KMT2D: variants seen among roughly 807,000 people sequenced by gnomAD.
The protein encoded by KMT2D is lysine methyltransferase 2D, also known as histone-lysine N-methyltransferase 2D.
KMT2D carries 55 observed loss-of-function variants against 512.7 expected under a neutral mutation model. The ratio of observed to expected loss-of-function variants is 0.11; its 90% CI spans 0.09 to 0.13. KMT2D has a LOEUF of 0.13. KMT2D is among the 10% of genes least tolerant of loss of function. The pLI, the probability that KMT2D is intolerant of heterozygous loss-of-function variation, is 1.00. For synonymous variants in KMT2D, 2,995 were observed against 2,904.0 expected (o/e 1.03, Z -1.01); for missense variants, 6,061 against 7,127.9 (o/e 0.85, Z 5.39).
intron 19 of KMT2D, 102 bp from the exon 20 acceptor site, chr12:49,045,067 A>G (rs912368290): frequency 4.2e-5 from 49 of 1,156,292 alleles, no homozygotes; most frequent in Non-Finnish European, 5.6e-5. Context: ...AGGCAGTGAC[A>G]AAAGTCCAGC....
rs1943359408 is a variant in KMT2D, at chr12:49,039,010, C to G, written c.8367-21G>C. On this transcript the variant is annotated intron_variant, in intron 34 of 54. Coordinates refer to ENST00000301067, the MANE Select transcript of KMT2D (RefSeq NM_003482.4). This position sits in a 1 kb window ranked among gnomAD's most constrained non-coding sequence, Gnocchi z 5.0. ...GTTGCCTGGAAGAATATACAGTAGT[C>G]AGTAGGATGAAATCAGATGAAAAGG... 1 of 1,551,696 alleles carries G rather than the reference C, an allele frequency of 6.4e-7. No individual in the cohort carries two copies. Among genetic ancestry groups the G allele is most frequent in the East Asian group, 2.4e-5 (1 of 40,938 alleles).
Position 49,054,866 on chromosome 12 carries a change from C to T in KMT2D, c.176+34G>A, listed in dbSNP as rs1412240820. ...AATTCTCTTCCTTGAAAGCCCTAGA[C>T]TCTCAAATCCTCATGTGCCCTCAAA... On this transcript the variant is annotated intron_variant, in intron 3 of 54. Coordinates refer to ENST00000301067, the MANE Select transcript of KMT2D (RefSeq NM_003482.4). This position sits in a 1 kb window ranked among gnomAD's most constrained non-coding sequence, Gnocchi z 6.4. 4 of 1,606,938 alleles carry T rather than the reference C, an allele frequency of 2.5e-6. No homozygotes were observed. The highest frequency in any genetic ancestry group is 3.4e-6 in the Non-Finnish European group (4 of 1,174,592).
chr12:49,037,268 C>T lies in KMT2D; in HGVS notation c.10088G>A (p.Gly3363Glu), dbSNP rs1943266431. 6.2e-7 allele frequency: 1 copy of T among 1,613,694 alleles called. No individual in the cohort carries two copies. Among genetic ancestry groups the T allele is most frequent in the East Asian group, 2.2e-5 (1 of 44,882 alleles). The change falls in exon 35 of 55, where the codon GGG (glycine) becomes GAG (glutamate). Residue 3363 changes from glycine to glutamate, a missense_variant. Transcript: ENST00000301067. ...CTGCTGGGGTACCAAGCCTGCCTGC[C>T]CTCCATGCTGCCCACTTAGCATATG... ...QGHMLSGQHG[G>E]QAGLVPQQSS...
Position 49,040,307 on chromosome 12 carries a change from G to C in KMT2D, c.7463C>G (p.Ser2488Trp), listed in dbSNP as rs779629382. The change falls in exon 32 of 55, where the codon TCG becomes TGG. Residue 2488 changes from serine to tryptophan, a missense_variant. Ser to Trp is a radical substitution (Grantham distance 177). Around this residue, in one of 16 missense-constraint regions of KMT2D, gnomAD observed 710 missense variants for 647.3 expected, o/e 1.10. Transcript: ENST00000301067. ...TGCTGGGAACCCCCCAGCCCCCAGCGAAGTGTGGGCTAGAGACCCAGCCTT... is the reference window on the plus strand; with the variant it reads ...TGCTGGGAACCCCCCAGCCCCCAGCCAAGTGTGGGCTAGAGACCCAGCCTT... ...AFKAGSLAHT[S>W]LGAGGFPAAL... 6.3e-7 allele frequency: 1 copy of C among 1,590,992 alleles called. No homozygotes were observed. The highest frequency in any genetic ancestry group is 8.6e-7 in the Non-Finnish European group (1 of 1,167,906).
rs767314439 is a variant in KMT2D, at chr12:49,034,673, T to G, written c.10356-7A>C. 6.2e-7 allele frequency: 1 copy of G among 1,609,964 alleles called. No homozygotes were observed. The highest frequency in any genetic ancestry group is 1.1e-5 in the South Asian group (1 of 90,914). ...TAGCAGAGACACTTGCTGTCTGGAG[T>G]CCACCAAAGCACAGAAGATAAGTGT... On this transcript the variant is annotated splice_region_variant and splice_polypyrimidine_tract_variant and intron_variant, in intron 36 of 54. Coordinates refer to ENST00000301067, the MANE Select transcript of KMT2D (RefSeq NM_003482.4).
Position 49,041,128 on chromosome 12 carries a change from G to A in KMT2D, c.6642C>T (p.Ala2214=), listed in dbSNP as rs1226158730. 4 of 1,527,522 alleles carry A rather than the reference G, an allele frequency of 2.6e-6. No homozygotes were observed. The highest frequency in any genetic ancestry group is 2.8e-5 in the African/African-American group (2 of 71,776). 94.6% of individuals were successfully genotyped at this position (1,527,522 alleles called of 1,614,324 possible). A position where few individuals can be genotyped will look rare whatever the true frequency, so the allele number is the denominator to read the frequency against. The change falls in exon 32 of 55, where the codon GCC becomes GCT. Residue 2214 remains alanine (A), a synonymous_variant. Coordinates refer to ENST00000301067, the MANE Select transcript of KMT2D (RefSeq NM_003482.4). The surrounding 1 kb of genome is among the most constrained non-coding windows in gnomAD (Gnocchi z 5.4). Reference sequence around the variant, plus strand: ...GCTGGCCAGCCCCAGGACGAGATGAGGCGCCCAGCATCGGGGGCTGCGCAG... The same window carrying A: ...GCTGGCCAGCCCCAGGACGAGATGAAGCGCCCAGCATCGGGGGCTGCGCAG... ...GAPAQPPMLG[A]SSRPGAGQPG...
In KMT2D at chr12:49,032,135, G is replaced by C; in HGVS notation, c.12570C>G (p.Ile4190Met). 2 of 1,613,852 alleles carry C rather than the reference G, an allele frequency of 1.2e-6. No individual in the cohort carries two copies. Among genetic ancestry groups the C allele is most frequent in the Non-Finnish European group, 8.5e-7 (1 of 1,179,810 alleles). ...CTCGAAGCTGACCCACCGTAGGCAT[G>C]ATTCCAACCCCAGGCAGACCCTGCC... Reference protein sequence around the residue: ...QSGQGLPGVGIMPTVGQLRAQ... With the variant: ...QSGQGLPGVGMMPTVGQLRAQ... Residue 4190 changes from isoleucine (I) to methionine (M), a missense_variant, in exon 40 of 55, where the codon ATC becomes ATG. Ile to Met is a conservative substitution (Grantham distance 10, BLOSUM62 1). Coordinates refer to ENST00000301067, the MANE Select transcript of KMT2D (RefSeq NM_003482.4).
Position 49,033,869 on chromosome 12 carries a change from C to CTGTTGTTGCTGCTGCTGCTGCTGT in KMT2D, c.10835_10836insACAGCAGCAGCAGCAGCAACAACA (p.Gln3605_Gln3612dup). Reference sequence around the variant, plus strand: ...GGCTGAGAGCCAGCACAGCTGAGTGCTGTTGCTGTTGTTGCTGCTGCTGCT... The same window carrying CTGTTGTTGCTGCTGCTGCTGCTGT: ...GGCTGAGAGCCAGCACAGCTGAGTGCTGTTGTTGCTGCTGCTGCTGCTGTTGTTGCTGTTGTTGCTGCTGCTGCT... On this transcript the variant is annotated inframe_insertion, in exon 40 of 55. Coordinates refer to ENST00000301067, the MANE Select transcript of KMT2D (RefSeq NM_003482.4). 1 of 1,554,920 alleles carries CTGTTGTTGCTGCTGCTGCTGCTGT rather than the reference C, an allele frequency of 6.4e-7. No individual in the cohort carries two copies. The highest frequency in any genetic ancestry group is 8.7e-7 in the Non-Finnish European group (1 of 1,150,576).
chr12:49,033,757 C>T lies in KMT2D; in HGVS notation c.10948G>A (p.Gly3650Arg), dbSNP rs2120446384. 1 of 1,611,886 alleles carries T rather than the reference C, an allele frequency of 6.2e-7. No homozygotes were observed. The highest frequency in any genetic ancestry group is 8.5e-7 in the Non-Finnish European group (1 of 1,179,128). ...GTCAGGCGAAGACCTCCGGCTTGCCCACCCGGAGGCCCCTGTGGTGGCTGC... is the reference window on the plus strand; with the variant it reads ...GTCAGGCGAAGACCTCCGGCTTGCCTACCCGGAGGCCCCTGTGGTGGCTGC... ...GLQPPQGPPG[G>R]QAGGLRLTPG... The change falls in exon 40 of 55, where the codon GGG becomes AGG. Residue 3650 changes from glycine to arginine, a missense_variant. Physicochemically the swap from Gly to Arg is moderately radical, Grantham distance 125. Coordinates refer to ENST00000301067, the MANE Select transcript of KMT2D (RefSeq NM_003482.4).
At position 49,037,413 on chromosome 12, in the gene KMT2D, G is replaced by T. The variant is rs2120478642; in HGVS notation, c.9943C>A (p.Leu3315Met). The change falls in exon 35 of 55, where the codon CTG becomes ATG. Residue 3315 changes from leucine to methionine, a missense_variant. Physicochemically the swap from Leu to Met is conservative, Grantham distance 15. Transcript: ENST00000301067. ...GGCTGTCGGGCACCTGCAAGACCCA[G>T]GGAAAGCTGCTGTTGGGACCCAGCC... Reference protein sequence around the residue: ...SLAGSQQQLSLGLAGARQPGL... With the variant: ...SLAGSQQQLSMGLAGARQPGL... The T allele has an allele frequency of 6.2e-7, 1 of 1,602,502 alleles. No homozygotes were observed. Among genetic ancestry groups the T allele is most frequent in the South Asian group, 1.1e-5 (1 of 89,102 alleles).
chr12:49,019,287 GA>G lies in KMT2D; in HGVS notation c.*2492del, dbSNP rs1470777665. 1 of 501,432 alleles carries G rather than the reference GA, an allele frequency of 2.0e-6. No individual in the cohort carries two copies. The highest frequency in any genetic ancestry group is 6.1e-5 in the Admixed American group (1 of 16,344). The allele number at this position is 501,432 out of a possible 1,614,324, so 31.1% of individuals were successfully genotyped here. On this transcript the variant is annotated 3_prime_UTR_variant, in exon 55 of 55. Transcript: ENST00000301067. ...TAAAAAGGGGGAGGGTCCTGGAGGT[GA>G]GGGGAGAAGACTGTAAAGGGGAAAA... is the stretch of plus-strand genomic sequence containing the variant.
chr12:49,031,375 C>T lies in KMT2D; in HGVS notation c.13330G>A (p.Gly4444Arg), dbSNP rs768172866. Residue 4444 changes from glycine to arginine, a missense_variant, in exon 40 of 55, where the codon GGA becomes AGA. By Grantham distance (125) the Gly-to-Arg change is moderately radical (BLOSUM62 -2). This residue lies in a region of KMT2D where 1,600 missense variants were observed against 1,754.9 expected (regional missense o/e 0.91). Coordinates refer to ENST00000301067, the MANE Select transcript of KMT2D (RefSeq NM_003482.4). ...GCCAGCAGGAGGTGGTTGCTGGTTC[C>T]TGGTGCCCCTATTGGCTCCCCATTG... is the stretch of plus-strand genomic sequence containing the variant. The part of the protein sequence containing the change: ...EANGEPIGAP[G>R]TSNHLLLAGP... 9.3e-6 allele frequency: 15 copies of T among 1,613,650 alleles called. 1 individual carries two copies. In the South Asian group the frequency reaches 1.6e-4, roughly 18 times the overall value.
Position 49,026,422 on chromosome 12 carries a change from C to G in KMT2D, c.15544G>C (p.Gly5182Arg), listed in dbSNP as rs1942591901. ...TGTCCGATGGCGTGGAACACAAGGC[C>G]CCCCACACGGAACATGTGCAGCCGT... The part of the protein sequence containing the change: ...GERLHMFRVG[G>R]LVFHAIGQLL... Residue 5182 changes from glycine to arginine, a missense_variant, in exon 49 of 55, where the codon GGC becomes CGC. By Grantham distance (125) the Gly-to-Arg change is moderately radical (BLOSUM62 -2). Coordinates refer to ENST00000301067, the MANE Select transcript of KMT2D (RefSeq NM_003482.4). The surrounding 1 kb of genome is among the most constrained non-coding windows in gnomAD (Gnocchi z 9.6). 6.2e-7 allele frequency: 1 copy of G among 1,613,824 alleles called. No individual in the cohort carries two copies. The highest frequency in any genetic ancestry group is 2.2e-5 in the East Asian group (1 of 44,900).
chr12:49,027,490 G>A (rs1181825148), intron 48 of KMT2D, among the ~76,000 whole-genome samples, 168 bp from the exon 49 acceptor site: 2 of 150,716 alleles, frequency 1.3e-5, no homozygotes, highest in Non-Finnish European at 3.0e-5. Context: ...TTGCTCTGTT[G>A]CCCAGGCTGG....
In KMT2D at chr12:49,037,606, C is replaced by T. The variant is rs2120482637; in HGVS notation, c.9750G>A (p.Glu3250=). The T allele has an allele frequency of 6.4e-7, 1 of 1,559,004 alleles. No individual in the cohort carries two copies. The highest frequency in any genetic ancestry group is 8.7e-7 in the Non-Finnish European group (1 of 1,151,272). Reference sequence around the variant, plus strand: ...CCTTCTTCTCATGCTCCAACAGGTCCTCAATGAGCAGGGGTAACTCGCTGG... The same window carrying T: ...CCTTCTTCTCATGCTCCAACAGGTCTTCAATGAGCAGGGGTAACTCGCTGG... The part of the protein sequence containing the change: ...LVASELPLLI[E]DLLEHEKKEL... The change falls in exon 35 of 55, where the codon GAG becomes GAA. Residue 3250 remains glutamate, a synonymous_variant. Transcript: ENST00000301067.
At position 49,039,634 on chromosome 12, in the gene KMT2D, G is replaced by T; in HGVS notation, c.8047-17C>A. On this transcript the variant is annotated splice_polypyrimidine_tract_variant and intron_variant, in intron 32 of 54. Coordinates refer to ENST00000301067, the MANE Select transcript of KMT2D (RefSeq NM_003482.4). This position sits in a 1 kb window ranked among gnomAD's most constrained non-coding sequence, Gnocchi z 5.0. ...TCGCTGGCGCTATGCAAAAAAAAGA[G>T]AAGAGGAATAAGCCCATTCTACTCC... The T allele has an allele frequency of 1.9e-6, 3 of 1,604,700 alleles. No individual in the cohort carries two copies. Among genetic ancestry groups the T allele is most frequent in the Middle Eastern group, 1.7e-4 (1 of 6,054 alleles).
In KMT2D at chr12:49,054,763, C is replaced by A. The variant is rs2120713955; in HGVS notation, c.177-12G>T. 3 of 1,613,642 alleles carry A rather than the reference C, an allele frequency of 1.9e-6. No individual in the cohort carries two copies. Among genetic ancestry groups the A allele is most frequent in the Non-Finnish European group, 2.5e-6 (3 of 1,179,584 alleles). ...GCACCGGACCCCCACTGTGGACACA[C>A]AAGCATCAGTACCACGCCAGGCCCC... On this transcript the variant is annotated splice_polypyrimidine_tract_variant and intron_variant, in intron 3 of 54. Transcript: ENST00000301067. The surrounding 1 kb of genome is among the most constrained non-coding windows in gnomAD (Gnocchi z 6.4).
In KMT2D at chr12:49,053,651, G is replaced by T. The variant is rs2120699450; in HGVS notation, c.674-10C>A. 1 of 1,587,130 alleles carries T rather than the reference G, an allele frequency of 6.3e-7. No individual in the cohort carries two copies. Among genetic ancestry groups the T allele is most frequent in the Non-Finnish European group, 8.6e-7 (1 of 1,166,962 alleles). On this transcript the variant is annotated splice_polypyrimidine_tract_variant and intron_variant, in intron 6 of 54. Coordinates refer to ENST00000301067, the MANE Select transcript of KMT2D (RefSeq NM_003482.4). The stretch of plus-strand genomic sequence containing the variant: ...GCACAGCGAGCCTCCTCTGCAGGGG[G>T]TAGAGACACCACAGGTCAGCTATGG...
chr12:49,026,194 C>T lies in KMT2D; in HGVS notation c.15772G>A (p.Ala5258Thr), dbSNP rs762350923. The T allele has an allele frequency of 1.1e-5, 18 of 1,582,698 alleles. No homozygotes were observed. The highest frequency in any genetic ancestry group is 2.3e-5 in the East Asian group (1 of 44,338). The change falls in exon 49 of 55, where the codon GCC becomes ACC. Residue 5258 changes from alanine to threonine, a missense_variant. Physicochemically the swap from Ala to Thr is moderately conservative, Grantham distance 58. Around this residue, in one of 16 missense-constraint regions of KMT2D, gnomAD observed 261 missense variants for 440.7 expected, o/e 0.59. Transcript: ENST00000301067. The surrounding 1 kb of genome is among the most constrained non-coding windows in gnomAD (Gnocchi z 9.6). ...QGLEDLVFTD[A>T]SPQAVWNRII... ...GCCCACTGCTCACCCTGGGGAGAGG[C>T]GTCAGTGAAGACCAGGTCCTCCAGG...
Sources: allele counts gnomAD v4.1 joint callset (sites outside exome capture counted in the v4.1 genomes callset), GRCh38; gene constraint gnomAD v4.1.1; regional missense constraint gnomAD v4.1.1; non-coding constraint Gnocchi (gnomAD v3.1); transcripts MANE v1.5; gene names NCBI Gene and HGNC (gene_info 2026-07-23, HGNC 2026-07-21).